The following WDR47 variants were observed in gnomAD, a reference collection of about 807,000 sequenced individuals.
WDR47 encodes the protein WD repeat-containing protein 47.
A neutral mutation model predicts 97.2 loss-of-function variants in WDR47; 32 were observed. That is an observed-to-expected ratio of 0.33 (90% CI 0.25 to 0.44). WDR47 has a LOEUF of 0.44. Among genes scored for constraint, WDR47 ranks in the 20% least tolerant of loss-of-function variants. The pLI, the probability that WDR47 is intolerant of heterozygous loss-of-function variation, is 1.00. For synonymous variants in WDR47, 375 were observed against 373.5 expected, an observed-to-expected ratio of 1.00 and a Z score of -0.05; for missense variants, 782 against 1,102.3, an observed-to-expected ratio of 0.71 and a Z score of 4.11.
chr1:109,004,670 C>G lies in WDR47; in HGVS notation c.1176G>C (p.Leu392Phe), dbSNP rs1660458297. The G allele has an allele frequency of 1.9e-6, 3 of 1,613,446 alleles. No homozygotes were observed. The East Asian group carries it at 6.7e-5, about 36-fold the overall frequency. ...DAQRPIGSEI[L>F]GQSSVSEKEP... ...CTTTTTCTGAAACTGAACTCTGGCC[C>G]AAGATTTCACTGCCGATAGGCCTCT... Residue 392 changes from leucine to phenylalanine, a missense_variant, in exon 6 of 15, where the codon TTG (leucine) becomes TTC (phenylalanine). By Grantham distance (22) the Leu-to-Phe change is conservative. Transcript: ENST00000369962.
At chr1:108,986,776 C>T in intron 9 of WDR47, 96 bp from the exon 10 acceptor site, 1 of 1,076,124 alleles carries the variant, frequency 9.3e-7, no homozygotes, top group South Asian at 1.8e-5. Flanking sequence ...CTTTATTATT[C>T]TTGTTGGATC....
intron 3 of WDR47, among the ~76,000 whole-genome samples, 191 bp from the exon 4 acceptor site, chr1:109,014,116 T>A (rs1292169552): frequency 6.6e-6 from 1 of 152,218 alleles, no homozygotes; most frequent in Non-Finnish European, 1.5e-5. Flanking sequence ...GAATTTATAC[T>A]TCCAATATTA....
chr1:108,989,286 A>G (rs1659125847), intron 9 of WDR47, among the ~76,000 whole-genome samples: 1 of 152,208 alleles, frequency 6.6e-6, no homozygotes, highest in African/African-American at 2.4e-5. Flanking sequence ...GTACACACAC[A>G]AAGGAAAATC....
chr1:109,015,348 G>C (rs569927117), intron 3 of WDR47, among the ~76,000 whole-genome samples: 2 of 152,156 alleles, frequency 1.3e-5, no homozygotes, highest in Non-Finnish European at 2.9e-5. Context: ...GATTGAGACA[G>C]AGTCCTGCTC....
intron 8 of WDR47, among the ~76,000 whole-genome samples, chr1:108,992,988 G>A (rs779051159): frequency 6.6e-6 from 1 of 151,806 alleles, no homozygotes; most frequent in Non-Finnish European, 1.5e-5. Flanking sequence ...GAAGAATAAG[G>A]AAAAATAGAA....
intron 3 of WDR47, among the ~76,000 whole-genome samples, chr1:109,016,133 T>C (rs1210334049): frequency 1.3e-5 from 2 of 152,084 alleles, no homozygotes; most frequent in African/African-American, 4.8e-5. Flanking sequence ...CTGAACAAAG[T>C]GGCTCATACT....
At chr1:109,004,259 C>T (rs1414313161) in intron 6 of WDR47, among the ~76,000 whole-genome samples, 1 of 149,692 alleles carries the variant, frequency 6.7e-6, no homozygotes, top group South Asian at 2.1e-4. Context: ...AACAAGACTC[C>T]GTCTCAAAAA....
chr1:109,024,623 C>G (rs1662074736), intron 1 of WDR47, among the ~76,000 whole-genome samples: 1 of 152,106 alleles, frequency 6.6e-6, no homozygotes, highest in African/African-American at 2.4e-5. Context: ...ACTATAAGAT[C>G]ATTTGTTCAA....
intron 4 of WDR47, among the ~76,000 whole-genome samples, chr1:109,012,455 C>T (rs966537733): frequency 6.6e-6 from 1 of 151,190 alleles, no homozygotes; most frequent in Non-Finnish European, 1.5e-5. Flanking sequence ...CACCTGTAAT[C>T]CCAGCTACTT....
At chr1:109,041,630 G>A (rs1663371035) in intron 1 of WDR47, 1 of 152,342 alleles carries the variant, frequency 6.6e-6, no homozygotes, top group African/African-American at 2.4e-5. Flanking sequence ...TCGAACCGGG[G>A]CCCAGCAGTT....
At chr1:109,013,709 CACCAG>C in intron 4 of WDR47, 127 bp downstream of exon 4, 2 of 845,490 alleles carry the variant, frequency 2.4e-6, no homozygotes, top group Non-Finnish European at 3.7e-6. Flanking sequence ...ACCTGGAAAA[CACCAG>C]ATCTTGCCCC....
intron 3 of WDR47, among the ~76,000 whole-genome samples, chr1:109,016,860 C>T (rs1427055397): frequency 4.0e-5 from 6 of 151,284 alleles, no homozygotes; most frequent in Non-Finnish European, 5.9e-5. Flanking sequence ...CTGATATAAG[C>T]AAGCACAAGT....
intron 3 of WDR47, among the ~76,000 whole-genome samples, chr1:109,014,611 GT>G (rs1243772087): frequency 6.6e-6 from 1 of 151,536 alleles, no homozygotes; most frequent in East Asian, 1.9e-4. Flanking sequence ...TTTTAAAATT[GT>G]TTTGTAGAGA....
intron 2 of WDR47, among the ~76,000 whole-genome samples, chr1:109,020,949 C>T (rs549933680): frequency 6.7e-6 from 1 of 148,478 alleles, no homozygotes; most frequent in Admixed American, 6.8e-5. Context: ...TACAATGGTA[C>T]GATCTCAACT....
At position 109,002,261 on chromosome 1, in the gene WDR47, C is replaced by A. The variant is rs745418813; in HGVS notation, c.1396G>T (p.Asp466Tyr). ...TGTTCAGTAAGATTCTGCTGCTGAT[C>A]AGGACCATCCTCCTGATTCACGCCT... ...EGGVNQEDGP[D>Y]QQQNLTEQFL... The change falls in exon 7 of 15, where the codon GAT (aspartate) becomes TAT (tyrosine). Residue 466 changes from aspartate (D) to tyrosine (Y), a missense_variant. Asp to Tyr is a radical substitution (Grantham distance 160). Coordinates refer to ENST00000369962, the MANE Select transcript of WDR47 (RefSeq NM_001142551.2). 1 of 1,609,666 alleles carries A rather than the reference C, an allele frequency of 6.2e-7. No homozygotes were observed. The highest frequency in any genetic ancestry group is 1.1e-5 in the South Asian group (1 of 90,224).
At chr1:109,002,423 A>G (rs780482228) in intron 6 of WDR47, 21 bp from the exon 7 acceptor site, 2 of 1,549,304 alleles carry the variant, frequency 1.3e-6, no homozygotes, top group Non-Finnish European at 1.7e-6. Context: ...TTAGAAAAAA[A>G]CATATATATT....
chr1:108,981,715 A>G lies in WDR47; in HGVS notation c.2398+18T>C, dbSNP rs756069953. On this transcript the variant is annotated intron_variant, in intron 13 of 14. Transcript: ENST00000369962. ...ACAAAGTTTTTTTCCCATATATATC[A>G]TTTAAAGAAAAACCTACCAGTTCCA... is the stretch of plus-strand genomic sequence containing the variant. 28 of 1,605,096 alleles carry G rather than the reference A, an allele frequency of 1.7e-5. No homozygotes were observed. In the African/African-American group the frequency reaches 3.5e-4, roughly 20 times the overall value.
chr1:109,007,325 A>G (rs1660703142), intron 5 of WDR47, among the ~76,000 whole-genome samples: 1 of 151,348 alleles, frequency 6.6e-6, no homozygotes, highest in Admixed American at 6.6e-5. Flanking sequence ...TATATATAAC[A>G]TTTAAAAAAA....
At chr1:108,974,444 T>C in intron 14 of WDR47, 92 bp downstream of exon 14, 1 of 933,822 alleles carries the variant, frequency 1.1e-6, no homozygotes, top group Non-Finnish European at 1.6e-6. Flanking sequence ...TAATTGAAAG[T>C]ATTATATAAT....
Sources: gnomAD v4.1 joint callset for allele counts (sites outside exome capture counted in the v4.1 genomes callset) on GRCh38, gnomAD v4.1.1 for gene constraint, MANE v1.5 for transcripts, NCBI Gene and HGNC (gene_info 2026-07-23, HGNC 2026-07-21) for gene names.